Variants in CDKL5 observed in about 807,000 individuals in gnomAD.
The protein encoded by CDKL5 is cyclin-dependent kinase-like 5.
Under a neutral mutation model 61.7 loss-of-function variants are expected in CDKL5, and 8 were observed. The ratio of observed to expected loss-of-function variants is 0.13; its 90% CI spans 0.08 to 0.23. CDKL5 has a LOEUF of 0.23. Ranked by LOEUF, CDKL5 falls within the 10% of genes least tolerant of loss-of-function variation. CDKL5 has a pLI of 1.00. For missense variants in CDKL5, 440 were observed against 734.5 expected, an observed-to-expected ratio of 0.60 and a Z score of 4.63; for synonymous variants, 275 against 272.3, an observed-to-expected ratio of 1.01 and a Z score of -0.10.
chrX:18,537,333 T>C (rs973730751), intron 3 of CDKL5, among the ~76,000 whole-genome samples: 7 of 112,402 alleles, frequency 6.2e-5, no homozygotes, highest in Non-Finnish European at 1.3e-4. Flanking sequence ...TTGCTTTTTT[T>C]CCCTTGAACT....
At chrX:18,554,806 G>T (rs1411101269) in intron 3 of CDKL5, among the ~76,000 whole-genome samples, 1 of 111,731 alleles carries the variant, frequency 9.0e-6, no homozygotes, top group Non-Finnish European at 1.9e-5. Flanking sequence ...AGACATTTTA[G>T]TGTTGTGATA....
chrX:18,477,213 C>T (rs1020640080), intron 1 of CDKL5, among the ~76,000 whole-genome samples: 26 of 110,317 alleles, frequency 2.4e-4, no homozygotes, highest in African/African-American at 8.2e-4. Flanking sequence ...ACTGCAGGCA[C>T]GTGCCACCAC....
rs144439091 is a variant in CDKL5, at chrX:18,627,672, G to A, written c.2497-699G>A. On this transcript the variant is annotated intron_variant, in intron 17 of 17. Coordinates refer to ENST00000623535, the MANE Select transcript of CDKL5 (RefSeq NM_001323289.2). ...GCAGGGCGGACCACTGTGAGCCCAT[G>A]TTAGGAATTGAAGGCCTCCTGTGAA... 7.0e-3 allele frequency: 766 copies of A among 109,988 alleles called. 2 individuals are homozygous for A. Among genetic ancestry groups the A allele is most frequent in the Middle Eastern group, 0.014 (3 of 213 alleles). 9.1% of individuals were successfully genotyped at this position (109,988 alleles called of 1,213,427 possible).
chrX:18,488,425 A>C lies in CDKL5; in HGVS notation c.-162-18510A>C, dbSNP rs186294430. ...TTGTTGTATTATACTAGTACTATGA[A>C]GATGACTATGATAAGAGTGTCTTTT... On this transcript the variant is annotated intron_variant, in intron 1 of 17. Coordinates refer to ENST00000623535, the MANE Select transcript of CDKL5 (RefSeq NM_001323289.2). Among the ~76,000 whole-genome samples the C allele has an allele frequency of 1.5e-4, 17 of 112,034 alleles. 1 individual carries two copies. The highest frequency in any genetic ancestry group is 1.4e-3 in the Admixed American group (15 of 10,583).
intron 3 of CDKL5, among the ~76,000 whole-genome samples, chrX:18,561,645 G>A (rs1924809059): frequency 9.1e-6 from 1 of 110,416 alleles, no homozygotes. Flanking sequence ...ACTAGACTAG[G>A]CTAGAGTCCA....
intron 1 of CDKL5, among the ~76,000 whole-genome samples, chrX:18,462,759 C>G (rs1244226521): frequency 9.0e-6 from 1 of 111,708 alleles, no homozygotes; most frequent in Non-Finnish European, 1.9e-5. Flanking sequence ...CGTGGTGGCT[C>G]ACGCCTATAA....
chrX:18,641,857 T>TAA, downstream of CDKL5: 34 of 452,261 alleles, frequency 7.5e-5, no homozygotes, highest in Non-Finnish European at 1.0e-4. Context: ...AGCTATATCT[T>TAA]AAAAAAAAAA....
chrX:18,560,096 G>A (rs940069136), intron 3 of CDKL5, among the ~76,000 whole-genome samples: 4 of 109,505 alleles, frequency 3.7e-5, no homozygotes, highest in East Asian at 5.8e-4. Context: ...ATAAACATAC[G>A]TGTGCATGTG....
chrX:18,597,153 T>C (rs977106449), intron 10 of CDKL5, among the ~76,000 whole-genome samples: 4 of 110,769 alleles, frequency 3.6e-5, no homozygotes, highest in South Asian at 3.9e-4. Flanking sequence ...AGTTCCGACT[T>C]CTGTCACCAA....
chrX:18,454,890 ATTTTT>A (rs759341960), intron 1 of CDKL5, among the ~76,000 whole-genome samples: 1 of 80,280 alleles, frequency 1.2e-5, no homozygotes, highest in East Asian at 4.0e-4. Flanking sequence ...TCTCAAGTGT[ATTTTT>A]TTTTTTTTTT....
In CDKL5 at chrX:18,628,610, T is replaced by C. The variant is rs1927146101; in HGVS notation, c.2736T>C (p.His912=). ...QLPGQMDPGW[H]VSSVTRSATE... The stretch of plus-strand genomic sequence containing the variant: ...CAGGTCAGATGGATCCTGGTTGGCA[T>C]GTGTCCTCTGTGACCAGGAGTGCCA... The change falls in exon 18 of 18, where the codon CAT becomes CAC. Residue 912 remains histidine (H), a synonymous_variant. Coordinates refer to ENST00000623535, the MANE Select transcript of CDKL5 (RefSeq NM_001323289.2). 1 of 1,211,621 alleles carries C rather than the reference T, an allele frequency of 8.3e-7. No homozygotes were observed. The highest frequency in any genetic ancestry group is 1.1e-6 in the Non-Finnish European group (1 of 895,259).
At chrX:18,651,362 C>T (rs896837252) in intron 21 of CDKL5, among the ~76,000 whole-genome samples, 7 of 109,181 alleles carry the variant, frequency 6.4e-5, no homozygotes, top group Non-Finnish European at 1.3e-4. Context: ...AGCTTATGGA[C>T]CTGGAAGATC....
At position 18,464,885 on chromosome X, in the gene CDKL5, T is replaced by C. The variant is rs956261954; in HGVS notation, c.-163+39190T>C. Reference sequence around the variant, plus strand: ...TAAAAAATGTCAGTGTGTGTACATGTATATATAATATCTGCTTTGTGGCTG... The same window carrying C: ...TAAAAAATGTCAGTGTGTGTACATGCATATATAATATCTGCTTTGTGGCTG... On this transcript the variant is annotated intron_variant, in intron 1 of 17. Coordinates refer to ENST00000623535, the MANE Select transcript of CDKL5 (RefSeq NM_001323289.2). Among the ~76,000 whole-genome samples the C allele has an allele frequency of 2.7e-5, 3 of 112,310 alleles. No individual in the cohort carries two copies. In the East Asian group the frequency reaches 8.3e-4, roughly 31 times the overall value.
At chrX:18,564,554 T>G in intron 4 of CDKL5, 32 bp downstream of exon 4, 1 of 563,719 alleles carries the variant, frequency 1.8e-6, no homozygotes, top group Non-Finnish European at 2.5e-6. Context: ...TATATATCTG[T>G]ATATATGTAT....
At chrX:18,484,922 C>A (rs1168296968) in intron 1 of CDKL5, among the ~76,000 whole-genome samples, 1 of 109,983 alleles carries the variant, frequency 9.1e-6, no homozygotes, top group Non-Finnish European at 1.9e-5. Flanking sequence ...CCATGCCCGG[C>A]TGACTTTGTA....
intron 3 of CDKL5, among the ~76,000 whole-genome samples, chrX:18,541,527 T>C (rs897985939): frequency 1.5e-4 from 17 of 111,944 alleles, no homozygotes; most frequent in Non-Finnish European, 3.2e-4. Flanking sequence ...TTTTTGTTGT[T>C]GTTGTTCGTT....
At chrX:18,512,575 T>C (rs1922866023) in intron 3 of CDKL5, among the ~76,000 whole-genome samples, 1 of 111,258 alleles carries the variant, frequency 9.0e-6, no homozygotes, top group Non-Finnish European at 1.9e-5. Context: ...TATTTTATGT[T>C]AATAATAGTT....
chrX:18,479,758 G>A (rs1006645009), intron 1 of CDKL5, among the ~76,000 whole-genome samples: 5 of 111,472 alleles, frequency 4.5e-5, no homozygotes, highest in Non-Finnish European at 9.4e-5. Flanking sequence ...TATGTTTAGT[G>A]GTATCCCATT....
intron 1 of CDKL5, among the ~76,000 whole-genome samples, chrX:18,494,230 GCT>G (rs1489861238): frequency 9.0e-6 from 1 of 110,638 alleles, no homozygotes; most frequent in Non-Finnish European, 1.9e-5. Context: ...TCCCATTTTA[GCT>G]CTGTTTTTCT....
Sources: gnomAD v4.1 joint callset for allele counts (sites outside exome capture counted in the v4.1 genomes callset) on GRCh38, gnomAD v4.1.1 for gene constraint, MANE v1.5 for transcripts, NCBI Gene and HGNC (gene_info 2026-07-23, HGNC 2026-07-21) for gene names.